BTBD9: variants seen among roughly 807,000 people sequenced by gnomAD.
The protein encoded by BTBD9 is BTB/POZ domain-containing protein 9.
A neutral mutation model predicts 64.3 loss-of-function variants in BTBD9; 49 were observed. The observed-to-expected ratio is 0.76, with a 90% CI of 0.61 to 0.97. The LOEUF (loss-of-function observed/expected upper bound fraction) is 0.97, where lower values mean the gene tolerates loss of function less well. Among genes scored for constraint, BTBD9 ranks in the 50% least tolerant of loss-of-function variants. The pLI is 0.00. For missense variants in BTBD9, 598 were observed against 762.1 expected (o/e 0.78, Z 2.53); for synonymous variants, 260 against 274.7 (o/e 0.95, Z 0.53).
At chr6:38,243,651 C>G (rs958105946) in intron 9 of BTBD9, among the ~76,000 whole-genome samples, 1 of 151,928 alleles carries the variant, frequency 6.6e-6, no homozygotes, top group Non-Finnish European at 1.5e-5. Context: ...TAAGAGATGC[C>G]CAGGGGAAGG....
intron 9 of BTBD9, among the ~76,000 whole-genome samples, chr6:38,252,505 G>A (rs114053508): frequency 6.6e-6 from 1 of 152,010 alleles, no homozygotes; most frequent in East Asian, 1.9e-4. Flanking sequence ...ATTCTTACAA[G>A]GTTAACAGGC....
intron 6 of BTBD9, among the ~76,000 whole-genome samples, chr6:38,519,647 T>C (rs1270441773): frequency 6.6e-6 from 1 of 152,212 alleles, no homozygotes; most frequent in East Asian, 1.9e-4. Flanking sequence ...GAGCAATAGC[T>C]CAGGAGCTCT....
rs928728630 is a variant in BTBD9 at position 38,328,526 on chromosome 6, G to A, written c.1264+16458C>T. 2.7e-5 allele frequency among the ~76,000 whole-genome samples: 4 copies of A among 147,964 alleles called. No homozygotes were observed. The Admixed American group carries it at 2.7e-4, about 10-fold the overall frequency. On this transcript the variant is annotated intron_variant, in intron 7 of 10. Coordinates refer to ENST00000481247, the MANE Select transcript of BTBD9 (RefSeq NM_001099272.2). ...CTTGATCTTGGACTTTCAGCCTCCA[G>A]AACTGTGAAAAAAATATATTTCGGC... is the stretch of plus-strand genomic sequence containing the variant.
At chr6:38,252,826 GC>G (rs901096978) in intron 9 of BTBD9, among the ~76,000 whole-genome samples, 5 of 152,196 alleles carry the variant, frequency 3.3e-5, no homozygotes, top group African/African-American at 1.2e-4. Context: ...CCCACACTGG[GC>G]CGGGCACTGT....
intron 6 of BTBD9, among the ~76,000 whole-genome samples, chr6:38,377,228 G>A (rs1459904869): frequency 6.6e-6 from 1 of 152,152 alleles, no homozygotes; most frequent in Non-Finnish European, 1.5e-5. Flanking sequence ...AGAAGCTGAA[G>A]TTTATTATAT....
At chr6:38,302,485 G>GTGTGTGTATATA (rs1554137022) in intron 7 of BTBD9, among the ~76,000 whole-genome samples, 1 of 106,908 alleles carries the variant, frequency 9.4e-6, no homozygotes, top group African/African-American at 3.5e-5. Flanking sequence ...TTGTGTGTAT[G>GTGTGTGTATATA]TATATATATA....
intron 1 of BTBD9, among the ~76,000 whole-genome samples, chr6:38,635,146 T>C (rs76746076): frequency 1.3e-5 from 2 of 152,068 alleles, no homozygotes; most frequent in Middle Eastern, 6.8e-3. Flanking sequence ...TTTTTTTTTT[T>C]CTTTTTTGAG....
At chr6:38,330,367 A>C (rs1354686827) in intron 7 of BTBD9, among the ~76,000 whole-genome samples, 3 of 151,984 alleles carry the variant, frequency 2.0e-5, no homozygotes, top group African/African-American at 7.3e-5. Context: ...TTTTCATTTA[A>C]ACTACCTTTG....
chr6:38,179,893 G>A, intron 10 of BTBD9: 1 of 447,254 alleles, frequency 2.2e-6, no homozygotes, highest in Non-Finnish European at 4.5e-6. Context: ...GGCAGGGAGG[G>A]GAGCTGCTTT....
chr6:38,303,831 T>C (rs1392390366), intron 7 of BTBD9, among the ~76,000 whole-genome samples: 2 of 74,690 alleles, frequency 2.7e-5, no homozygotes, highest in Non-Finnish European at 6.8e-5. Context: ...CTAGCAACTT[T>C]AGTTGCTAGA....
chr6:38,303,355 G>A lies in BTBD9; in HGVS notation c.1265-14894C>T, dbSNP rs188251523. Among the ~76,000 whole-genome samples, 225 of 147,154 alleles carry A rather than the reference G, an allele frequency of 1.5e-3. 1 individual carries two copies. The highest frequency in any genetic ancestry group is 3.0e-3 in the Non-Finnish European group (197 of 66,012). Reference sequence around the variant, plus strand: ...ATTTCTTAGGCTGCGTGATGAATATGCGACTGTTCCTGCTCACCAAACTTT... The same window carrying A: ...ATTTCTTAGGCTGCGTGATGAATATACGACTGTTCCTGCTCACCAAACTTT... On this transcript the variant is annotated intron_variant, in intron 7 of 10. Coordinates refer to ENST00000481247, the MANE Select transcript of BTBD9 (RefSeq NM_001099272.2).
At chr6:38,618,526 C>A (rs961110272) in intron 1 of BTBD9, among the ~76,000 whole-genome samples, 1 of 152,290 alleles carries the variant, frequency 6.6e-6, no homozygotes, top group African/African-American at 2.4e-5. Context: ...TCTAATCTCC[C>A]CCACCCAGAA....
intron 1 of BTBD9, among the ~76,000 whole-genome samples, chr6:38,598,569 C>A (rs1219232725): frequency 3.3e-5 from 5 of 152,100 alleles, no homozygotes; most frequent in Admixed American, 2.0e-4. Context: ...ATGAAATAAT[C>A]AGATTTCAAA....
rs531002886 is a variant in BTBD9 at position 38,580,314 on chromosome 6, G to T, written c.938C>A (p.Pro313Gln). 1 of 1,614,128 alleles carries T rather than the reference G, an allele frequency of 6.2e-7. No individual in the cohort carries two copies. Among genetic ancestry groups the T allele is most frequent in the Non-Finnish European group, 8.5e-7 (1 of 1,180,020 alleles). ...GCCGGAACGGCAGTCATCATCAATT[G>T]GGTGCCTTGAAAATCCATGATCCAA... is the stretch of plus-strand genomic sequence containing the variant. Reference protein sequence around the residue: ...YDLDHGFSRHPIDDDCRSGIE... With the variant: ...YDLDHGFSRHQIDDDCRSGIE... The change falls in exon 5 of 11, where the codon CCA (proline) becomes CAA (glutamine). Residue 313 changes from proline to glutamine, a missense_variant. By Grantham distance (76) the Pro-to-Gln change is moderately conservative. Transcript: ENST00000481247.
chr6:38,353,184 A>T (rs1320821975), intron 6 of BTBD9, among the ~76,000 whole-genome samples: 1 of 152,234 alleles, frequency 6.6e-6, no homozygotes, highest in African/African-American at 2.4e-5. Context: ...TACACCTATT[A>T]TAGCTATTTA....
chr6:38,270,566 T>G (rs1440832563), intron 8 of BTBD9, among the ~76,000 whole-genome samples: 1 of 151,962 alleles, frequency 6.6e-6, no homozygotes, highest in South Asian at 2.1e-4. Flanking sequence ...ATGAGAGTGT[T>G]TGGGTGTCAG....
chr6:38,417,802 A>AGAG (rs55963730), intron 6 of BTBD9, among the ~76,000 whole-genome samples: 122 of 102,470 alleles, frequency 1.2e-3, no homozygotes, highest in Non-Finnish European at 1.8e-3. Flanking sequence ...GAGAGAGAGA[A>AGAG]AAAAAATATT....
intron 1 of BTBD9, among the ~76,000 whole-genome samples, chr6:38,607,059 A>G (rs773554141): frequency 4.6e-5 from 7 of 152,320 alleles, no homozygotes; most frequent in East Asian, 1.9e-4. Context: ...TGCAAGGGTG[A>G]TAAGAATGAA....
intron 8 of BTBD9, among the ~76,000 whole-genome samples, chr6:38,286,977 G>A (rs1761752811): frequency 6.7e-6 from 1 of 150,252 alleles, no homozygotes; most frequent in Non-Finnish European, 1.5e-5. Context: ...AGCTACTTGG[G>A]AGGCTGAGGC....
Sources: gnomAD v4.1 joint callset for allele counts (sites outside exome capture counted in the v4.1 genomes callset) on GRCh38, gnomAD v4.1.1 for gene constraint, MANE v1.5 for transcripts, NCBI Gene and HGNC (gene_info 2026-07-23, HGNC 2026-07-21) for gene names.